SLC24A2: variants seen among roughly 807,000 people sequenced by gnomAD.
SLC24A2 encodes the protein sodium/potassium/calcium exchanger 2.
SLC24A2 carries 36 observed loss-of-function variants against 62.0 expected under a neutral mutation model. That is an observed-to-expected ratio of 0.58 (90% CI 0.44 to 0.77). The LOEUF (loss-of-function observed/expected upper bound fraction) is 0.77. SLC24A2 is among the 30% of genes least tolerant of loss of function. SLC24A2 has a pLI of 0.00. For synonymous variants in SLC24A2, 358 were observed against 294.0 expected (o/e 1.22, Z -2.23); for missense variants, 846 against 817.9 (o/e 1.03, Z -0.42).
At chr9:19,542,405 T>A (rs1834316834) in intron 8 of SLC24A2, among the ~76,000 whole-genome samples, 1 of 152,200 alleles carries the variant, frequency 6.6e-6, no homozygotes, top group Non-Finnish European at 1.5e-5. Context: ...TTTGACTTCC[T>A]CTTTTCCTAA....
the SLC24A2 span, among the ~76,000 whole-genome samples, chr9:20,019,248 G>GA: frequency 4.9e-5 from 2 of 40,954 alleles, no homozygotes; most frequent in Admixed American, 4.3e-4. Flanking sequence ...AAAGAAAGAA[G>GA]GAAAGAGAAA....
intron 2 of SLC24A2, among the ~76,000 whole-genome samples, chr9:19,772,034 A>C (rs1321194936): frequency 6.6e-6 from 1 of 152,234 alleles, no homozygotes; most frequent in African/African-American, 2.4e-5. Context: ...CCTGTGGCCT[A>C]ACTGCTTTGC....
the SLC24A2 span, among the ~76,000 whole-genome samples, chr9:20,193,445 A>T: frequency 6.6e-6 from 1 of 152,006 alleles, no homozygotes; most frequent in African/African-American, 2.4e-5. Flanking sequence ...CAAAAGAAAG[A>T]TTATCAACCC....
chr9:19,578,358 C>CAAAAAAAAAAAAAAAAAAAAAAAACAAA (rs3085616), intron 5 of SLC24A2, among the ~76,000 whole-genome samples: 1 of 135,644 alleles, frequency 7.4e-6, no homozygotes, highest in African/African-American at 2.8e-5. Context: ...TGCAATAAGC[C>CAAAAAAAAAAAAAAAAAAAAAAAACAAA]AAAAAAAAAA....
At chr9:20,132,714 T>C in the SLC24A2 span, among the ~76,000 whole-genome samples, 1 of 152,166 alleles carries the variant, frequency 6.6e-6, no homozygotes, top group African/African-American at 2.4e-5. Flanking sequence ...GAAAGGATTA[T>C]TTAAAGCTAT....
intron 2 of SLC24A2, among the ~76,000 whole-genome samples, chr9:19,766,517 T>C (rs1249641138): frequency 1.3e-5 from 2 of 152,236 alleles, no homozygotes; most frequent in Admixed American, 1.3e-4. Flanking sequence ...TTGATGCTAT[T>C]GCTTTCTGTT....
intron 2 of SLC24A2, among the ~76,000 whole-genome samples, chr9:19,776,720 G>A (rs1010689424): frequency 5.3e-5 from 8 of 152,194 alleles, no homozygotes; most frequent in African/African-American, 1.9e-4. Context: ...ATGTAAGTCA[G>A]TTAAGAAAAA....
the SLC24A2 span, among the ~76,000 whole-genome samples, chr9:20,285,241 A>T: frequency 8.5e-5 from 13 of 152,336 alleles, no homozygotes; most frequent in African/African-American, 3.1e-4. Context: ...ATAGGGCCTT[A>T]TATTAGTCTG....
At chr9:19,688,368 G>A (rs184728792) in intron 2 of SLC24A2, among the ~76,000 whole-genome samples, 1 of 152,152 alleles carries the variant, frequency 6.6e-6, no homozygotes, top group Non-Finnish European at 1.5e-5. Flanking sequence ...AGTACAATGA[G>A]AAAACATGAA....
chr9:19,892,383 C>T, the SLC24A2 span, among the ~76,000 whole-genome samples: 4 of 152,090 alleles, frequency 2.6e-5, no homozygotes, highest in African/African-American at 9.6e-5. Flanking sequence ...CTGTTTTATC[C>T]CTCTCTCCCA....
At chr9:19,964,069 G>A in the SLC24A2 span, among the ~76,000 whole-genome samples, 4 of 151,906 alleles carry the variant, frequency 2.6e-5, no homozygotes, top group Non-Finnish European at 5.9e-5. Flanking sequence ...GTCCTTTGTA[G>A]GGACATGGAT....
At chr9:20,230,653 A>G in the SLC24A2 span, among the ~76,000 whole-genome samples, 1 of 152,080 alleles carries the variant, frequency 6.6e-6, no homozygotes, top group African/African-American at 2.4e-5. Context: ...AGACGAGTAG[A>G]TTGCAAAAAT....
chr9:20,044,971 C>A, the SLC24A2 span, among the ~76,000 whole-genome samples: 2 of 152,046 alleles, frequency 1.3e-5, no homozygotes, highest in Non-Finnish European at 2.9e-5. Flanking sequence ...TACTGGGGAC[C>A]ATTTGAGAGC....
At chr9:19,893,037 G>A in the SLC24A2 span, among the ~76,000 whole-genome samples, 1 of 152,102 alleles carries the variant, frequency 6.6e-6, no homozygotes, top group African/African-American at 2.4e-5. Context: ...CCTCTCCATG[G>A]TTTCCCCAAA....
At chr9:19,848,221 CTGTTT>C in the SLC24A2 span, among the ~76,000 whole-genome samples, 9 of 152,192 alleles carry the variant, frequency 5.9e-5, 1 homozygote, top group East Asian at 1.7e-3. Flanking sequence ...GCATTGATTT[CTGTTT>C]TGTTTTGTTT....
the SLC24A2 span, among the ~76,000 whole-genome samples, chr9:20,095,067 A>G: frequency 1.3e-5 from 2 of 152,190 alleles, no homozygotes; most frequent in Non-Finnish European, 2.9e-5. Flanking sequence ...AAACAAATTA[A>G]ATGTAGCAGA....
chr9:19,699,262 G>C (rs1820287045), intron 2 of SLC24A2, among the ~76,000 whole-genome samples: 1 of 152,158 alleles, frequency 6.6e-6, no homozygotes, highest in African/African-American at 2.4e-5. Flanking sequence ...AACATATTCA[G>C]TGTGGCTGTA....
chr9:20,224,022 A>G, the SLC24A2 span, among the ~76,000 whole-genome samples: 5 of 152,038 alleles, frequency 3.3e-5, no homozygotes, highest in Non-Finnish European at 5.9e-5. Flanking sequence ...ACTTTAAACC[A>G]TCAGATCTCA....
the SLC24A2 span, among the ~76,000 whole-genome samples, chr9:20,305,243 G>A: frequency 1.3e-5 from 2 of 151,846 alleles, no homozygotes; most frequent in African/African-American, 4.8e-5. Context: ...GAGTAGCTGG[G>A]ATTACAGGTG....
Sources: gnomAD v4.1 joint callset for allele counts (sites outside exome capture counted in the v4.1 genomes callset) on GRCh38, gnomAD v4.1.1 for gene constraint, MANE v1.5 for transcripts, NCBI Gene and HGNC (gene_info 2026-07-23, HGNC 2026-07-21) for gene names.